NT5DC3: variants seen among roughly 807,000 people sequenced by gnomAD.
NT5DC3 encodes 5'-nucleotidase domain containing 3, also known as 5'-nucleotidase domain-containing protein 3.
Under a neutral mutation model 67.8 loss-of-function variants are expected in NT5DC3, and 42 were observed. The ratio of observed to expected loss-of-function variants is 0.62; its 90% CI spans 0.48 to 0.80. The LOEUF is 0.80. Among genes scored for constraint, NT5DC3 ranks in the 30% least tolerant of loss-of-function variants. The pLI is 0.00. For missense variants in NT5DC3, 570 were observed against 696.4 expected (o/e 0.82, Z 2.04); for synonymous variants, 237 against 255.6 (o/e 0.93, Z 0.69).
chr12:103,746,558 A>G, the NT5DC3 span: 4 of 1,600,540 alleles, frequency 2.5e-6, no homozygotes, highest in South Asian at 4.4e-5. Flanking sequence ...AACTCTTCAC[A>G]CCATGGGTAC....
At chr12:103,786,568 T>G (rs1261638839) in intron 11 of NT5DC3, among the ~76,000 whole-genome samples, 1 of 152,076 alleles carries the variant, frequency 6.6e-6, no homozygotes, top group African/African-American at 2.4e-5. Context: ...AAAGAAGTGG[T>G]AGCTGATTTA....
intron 1 of NT5DC3, among the ~76,000 whole-genome samples, chr12:103,822,953 T>C (rs1887550506): frequency 6.6e-6 from 1 of 152,150 alleles, no homozygotes. Context: ...ACATCTCAGA[T>C]ATTTGAACTC....
downstream of NT5DC3, among the ~76,000 whole-genome samples, chr12:103,768,531 G>C: frequency 2.6e-5 from 1 of 37,976 alleles, no homozygotes; most frequent in Non-Finnish European, 5.1e-5. Flanking sequence ...ATGGGAGAGA[G>C]AGGGAGAGGG....
At chr12:103,763,365 C>T in the NT5DC3 span, 3 of 707,860 alleles carry the variant, frequency 4.2e-6, no homozygotes, top group African/African-American at 1.8e-5. Flanking sequence ...AATCATCTCT[C>T]AACAAAGTAC....
chr12:103,798,699 G>A, intron 4 of NT5DC3, 22 bp from the exon 5 acceptor site: 1 of 1,524,854 alleles, frequency 6.6e-7, no homozygotes, highest in Non-Finnish European at 9.1e-7. Flanking sequence ...AGATGGTGCA[G>A]TTAAAGAGCT....
the NT5DC3 span, chr12:103,757,895 C>T: frequency 1.1e-5 from 5 of 449,886 alleles, no homozygotes; most frequent in Admixed American, 6.8e-5. Flanking sequence ...TGAGAAGACT[C>T]GAGATTTGAT....
At chr12:103,802,460 T>C (rs1328991884) in intron 4 of NT5DC3, 1 of 152,224 alleles carries the variant, frequency 6.6e-6, no homozygotes, top group Non-Finnish European at 1.5e-5. Context: ...TCTCTCTTCA[T>C]CATAATGGTT....
intron 6 of NT5DC3, among the ~76,000 whole-genome samples, chr12:103,795,522 T>C (rs1291860223): frequency 6.6e-6 from 1 of 152,140 alleles, no homozygotes; most frequent in East Asian, 1.9e-4. Flanking sequence ...CTAAATTCAA[T>C]TTGGATAATA....
intron 3 of NT5DC3, 115 bp downstream of exon 3, chr12:103,806,740 G>A (rs965893153): frequency 1.0e-5 from 7 of 682,194 alleles, no homozygotes; most frequent in African/African-American, 1.8e-5. Flanking sequence ...TGGTTCTGCA[G>A]TCCCAAATAA....
intron 1 of NT5DC3, among the ~76,000 whole-genome samples, chr12:103,827,365 CATT>C (rs1156366441): frequency 5.3e-5 from 8 of 152,134 alleles, no homozygotes; most frequent in Non-Finnish European, 1.0e-4. Context: ...GGGCAGAATA[CATT>C]ATTTAAAAGT....
rs980044840 is a variant in NT5DC3 at position 103,777,686 on chromosome 12, G to A, written c.*143C>T. 8 of 990,182 alleles carry A rather than the reference G, an allele frequency of 8.1e-6. No homozygotes were observed. The highest frequency in any genetic ancestry group is 1.6e-5 in the African/African-American group (1 of 61,896). The allele number at this position is 990,182 out of a possible 1,614,324, so 61.3% of individuals were successfully genotyped here. ...CTAGCTCCTGTCTTAACCATTGGGAGAATTATTCTCCGTAAGGTACAAAAT... is the reference window on the plus strand; with the variant it reads ...CTAGCTCCTGTCTTAACCATTGGGAAAATTATTCTCCGTAAGGTACAAAAT... On this transcript the variant is annotated 3_prime_UTR_variant, in exon 14 of 14. Coordinates refer to ENST00000392876, the MANE Select transcript of NT5DC3 (RefSeq NM_001031701.3).
chr12:103,829,339 A>G (rs1001038221), intron 1 of NT5DC3, among the ~76,000 whole-genome samples: 2 of 152,242 alleles, frequency 1.3e-5, no homozygotes, highest in African/African-American at 4.8e-5. Context: ...TTAACATACA[A>G]AAAGAGACAT....
intron 4 of NT5DC3, among the ~76,000 whole-genome samples, chr12:103,803,798 T>C (rs1445178066): frequency 6.6e-6 from 1 of 152,058 alleles, no homozygotes; most frequent in Non-Finnish European, 1.5e-5. Flanking sequence ...CACAGCAAGA[T>C]GTGATCTTGC....
intron 1 of NT5DC3, among the ~76,000 whole-genome samples, chr12:103,827,911 C>G (rs1024105863): frequency 6.6e-6 from 1 of 152,172 alleles, no homozygotes; most frequent in Non-Finnish European, 1.5e-5. Flanking sequence ...ACAAGAAGGA[C>G]AAAGTCAGGA....
the NT5DC3 span, among the ~76,000 whole-genome samples, chr12:103,764,036 A>G: frequency 6.6e-6 from 1 of 151,390 alleles, no homozygotes; most frequent in African/African-American, 2.4e-5. Context: ...CCCAGGCTGG[A>G]GTGCAGTGGC....
chr12:103,799,529 G>A (rs539549238), intron 4 of NT5DC3, among the ~76,000 whole-genome samples: 33 of 152,160 alleles, frequency 2.2e-4, no homozygotes, highest in South Asian at 1.7e-3. Context: ...GGCCTCCCCC[G>A]CTATGTGGAA....
chr12:103,841,087 G>A lies in NT5DC3; in HGVS notation c.70C>T (p.Arg24Trp). The A allele has an allele frequency of 8.1e-7, 1 of 1,230,882 alleles. No individual in the cohort carries two copies. The allele number at this position is 1,230,882 out of a possible 1,614,324, so 76.2% of individuals were successfully genotyped here. Residue 24 changes from arginine (R) to tryptophan (W), a missense_variant, in exon 1 of 14, where the codon CGG (arginine) becomes TGG (tryptophan). Physicochemically the swap from Arg to Trp is moderately radical, Grantham distance 101. Around this residue, in one of 2 missense-constraint regions of NT5DC3, gnomAD observed 104 missense variants for 88.4 expected, o/e 1.18. Coordinates refer to ENST00000392876, the MANE Select transcript of NT5DC3 (RefSeq NM_001031701.3). ...GARAATAAAL[R>W]GGCGTAARGR... ...CGAGCCGCGGTCCCGCAGCCACCCCGCAAAGCCGCCGCTGTCGCTGCCCTC... is the reference window on the plus strand; with the variant it reads ...CGAGCCGCGGTCCCGCAGCCACCCCACAAAGCCGCCGCTGTCGCTGCCCTC...
rs1885340981 is a variant in NT5DC3 at position 103,776,463 on chromosome 12, GAGAA to G, written c.*1362_*1365del. 6.6e-6 allele frequency: 1 copy of G among 152,288 alleles called. No individual in the cohort carries two copies. Among genetic ancestry groups the G allele is most frequent in the African/African-American group, 2.4e-5 (1 of 41,448 alleles). 9.4% of individuals were successfully genotyped at this position (152,288 alleles called of 1,614,324 possible). A position where few individuals can be genotyped will look rare whatever the true frequency, so the allele number is the denominator to read the frequency against. On this transcript the variant is annotated 3_prime_UTR_variant, in exon 14 of 14. Transcript: ENST00000392876. ...CCAGCTACTTGGGAGGCTGAGGCAG[GAGAA>G]TCGCTTGAACCCGGGAGGCAGAGGT...
intron 9 of NT5DC3, among the ~76,000 whole-genome samples, chr12:103,789,966 T>C (rs1885969545): frequency 6.6e-6 from 1 of 152,274 alleles, no homozygotes; most frequent in Non-Finnish European, 1.5e-5. Context: ...CTTTCATGAC[T>C]ATAAAATGAG....
Sources: gnomAD v4.1 joint callset for allele counts (sites outside exome capture counted in the v4.1 genomes callset) on GRCh38, gnomAD v4.1.1 for gene constraint, gnomAD v4.1.1 regional missense constraint, MANE v1.5 for transcripts, NCBI Gene and HGNC (gene_info 2026-07-23, HGNC 2026-07-21) for gene names.